Variants in PARD3 observed in about 807,000 individuals in gnomAD.
The protein encoded by PARD3 is partitioning defective 3 homolog.
In PARD3, 75 loss-of-function variants were observed where a neutral mutation model predicts 155.4. The observed-to-expected ratio is 0.48, with a 90% CI of 0.40 to 0.58. The LOEUF (loss-of-function observed/expected upper bound fraction) is 0.58, where lower values mean the gene tolerates loss of function less well. PARD3 is among the 20% of genes least tolerant of loss of function. The pLI is 0.00. For missense variants in PARD3, 1,642 were observed against 1,721.7 expected (o/e 0.95, Z 0.82); for synonymous variants, 576 against 610.5 (o/e 0.94, Z 0.83).
In PARD3 at chr10:34,341,786, A is replaced by T. The variant is rs1164037868; in HGVS notation, c.2249T>A (p.Met750Lys). 1 of 1,613,194 alleles carries T rather than the reference A, an allele frequency of 6.2e-7. No individual in the cohort carries two copies. Among genetic ancestry groups the T allele is most frequent in the South Asian group, 1.1e-5 (1 of 91,030 alleles). Reference protein sequence around the residue: ...GKYQLSPTVNMPQDDTVIIED... With the variant: ...GKYQLSPTVNKPQDDTVIIED... ...TATAATGACAGTGTCATCTTGGGGCATATTCACTGTAGGGGACAGCTGGTA... is the reference window on the plus strand; with the variant it reads ...TATAATGACAGTGTCATCTTGGGGCTTATTCACTGTAGGGGACAGCTGGTA... Residue 750 changes from methionine to lysine, a missense_variant, in exon 16 of 25, where the codon ATG (methionine) becomes AAG (lysine). Physicochemically the swap from Met to Lys is moderately conservative, Grantham distance 95. Transcript: ENST00000374788.
intron 2 of PARD3, among the ~76,000 whole-genome samples, chr10:34,583,570 T>C (rs2087703722): frequency 6.6e-6 from 1 of 152,170 alleles, no homozygotes; most frequent in South Asian, 2.1e-4. Context: ...GTTCCATCAA[T>C]CAGTCCAGCC....
chr10:34,215,406 T>C (rs980454396), intron 22 of PARD3, among the ~76,000 whole-genome samples: 1 of 152,200 alleles, frequency 6.6e-6, no homozygotes, highest in African/African-American at 2.4e-5. Context: ...ATACATAAAA[T>C]GTCATGATAG....
chr10:34,135,152 T>G (rs1208588212), intron 22 of PARD3, among the ~76,000 whole-genome samples: 3 of 119,680 alleles, frequency 2.5e-5, no homozygotes, highest in African/African-American at 6.3e-5. Flanking sequence ...AATTTACAGA[T>G]AGTCCACATG....
At chr10:34,579,570 G>GTGTGTGTGTGTGTGTATA (rs773127638) in intron 2 of PARD3, among the ~76,000 whole-genome samples, 3 of 138,230 alleles carry the variant, frequency 2.2e-5, no homozygotes, top group African/African-American at 3.1e-5. Flanking sequence ...GTGTGTGTGT[G>GTGTGTGTGTGTGTGTATA]TGTGTGTGTG....
At chr10:34,266,411 A>G (rs559366423) in intron 22 of PARD3, among the ~76,000 whole-genome samples, 2 of 152,340 alleles carry the variant, frequency 1.3e-5, no homozygotes, top group South Asian at 2.1e-4. Context: ...GATTAGTAAC[A>G]TCAATCTTTG....
intron 1 of PARD3, among the ~76,000 whole-genome samples, chr10:34,755,766 A>G (rs1564584784): frequency 3.7e-5 from 3 of 80,030 alleles, no homozygotes; most frequent in South Asian, 3.5e-4. Flanking sequence ...CATATATAAC[A>G]TGCTTTTTTT....
chr10:34,551,021 C>G (rs2084510585), intron 2 of PARD3, among the ~76,000 whole-genome samples: 2 of 152,146 alleles, frequency 1.3e-5, no homozygotes, highest in Admixed American at 1.3e-4. Context: ...ACCCAGCTCT[C>G]CTGAGTCCAG....
intron 1 of PARD3, among the ~76,000 whole-genome samples, chr10:34,787,866 A>C (rs7092771): frequency 6.6e-6 from 1 of 150,976 alleles, no homozygotes; most frequent in Non-Finnish European, 1.5e-5. Context: ...CTGCAGCCTC[A>C]AACTCCTAGG....
In PARD3 at chr10:34,131,670, T is replaced by G. The variant is rs184887107; in HGVS notation, c.3420-87A>C. ...GCTAGCAAAACATGGCAACTTGCTG[T>G]GAAATGACGCCATTTAAGAGAAAGT... On this transcript the variant is annotated intron_variant, in intron 22 of 24. Transcript: ENST00000374788. 4 of 1,133,912 alleles carry G rather than the reference T, an allele frequency of 3.5e-6. No individual in the cohort carries two copies. In the African/African-American group the frequency reaches 6.2e-5, roughly 17 times the overall value. The allele number at this position is 1,133,912 out of a possible 1,614,324, so 70.2% of individuals were successfully genotyped here.
intron 22 of PARD3, among the ~76,000 whole-genome samples, chr10:34,238,051 A>C (rs1360586397): frequency 6.6e-6 from 1 of 152,190 alleles, no homozygotes; most frequent in East Asian, 1.9e-4. Flanking sequence ...AATAATGAAA[A>C]CCACTCCAAC....
At chr10:34,229,934 C>G (rs955564453) in intron 22 of PARD3, among the ~76,000 whole-genome samples, 1 of 152,098 alleles carries the variant, frequency 6.6e-6, no homozygotes, top group African/African-American at 2.4e-5. Flanking sequence ...AACTATTCAT[C>G]TAGCTTTTGT....
At chr10:34,710,371 A>C (rs939638669) in intron 1 of PARD3, among the ~76,000 whole-genome samples, 1 of 152,180 alleles carries the variant, frequency 6.6e-6, no homozygotes, top group African/African-American at 2.4e-5. Context: ...ATAAATATAT[A>C]CGTGCAGTTT....
At chr10:34,797,688 A>G (rs1842426098) in intron 1 of PARD3, among the ~76,000 whole-genome samples, 1 of 152,200 alleles carries the variant, frequency 6.6e-6, no homozygotes, top group African/African-American at 2.4e-5. Flanking sequence ...AAACACCCAG[A>G]GGACATAACC....
At chr10:34,502,811 A>G (rs1300618541) in intron 3 of PARD3, among the ~76,000 whole-genome samples, 1 of 152,178 alleles carries the variant, frequency 6.6e-6, no homozygotes, top group African/African-American at 2.4e-5. Context: ...CCACTTTTGA[A>G]GAAAAGAGAA....
chr10:34,201,571 C>G (rs1951213195), intron 22 of PARD3, among the ~76,000 whole-genome samples: 1 of 152,128 alleles, frequency 6.6e-6, no homozygotes, highest in African/African-American at 2.4e-5. Context: ...CTGAAAGTGA[C>G]TCTTTCAAAA....
chr10:34,376,668 T>G (rs1004345115), intron 10 of PARD3, among the ~76,000 whole-genome samples: 1 of 152,154 alleles, frequency 6.6e-6, no homozygotes, highest in Non-Finnish European at 1.5e-5. Context: ...GGAATAAAAT[T>G]TAAGGGATCT....
At chr10:34,518,359 T>C (rs924108341) in intron 2 of PARD3, among the ~76,000 whole-genome samples, 13 of 152,334 alleles carry the variant, frequency 8.5e-5, no homozygotes, top group Middle Eastern at 3.4e-3. Flanking sequence ...TCGTGGTTTC[T>C]AATACCATTC....
chr10:34,364,328 G>A lies in PARD3; in HGVS notation c.1708-4069C>T, dbSNP rs183381464. Among the ~76,000 whole-genome samples, 41 of 152,154 alleles carry A rather than the reference G, an allele frequency of 2.7e-4. 1 individual carries two copies. The highest frequency in any genetic ancestry group is 7.0e-4 in the African/African-American group (29 of 41,518). ...AATTATAGGAGTGAGCTCAATAGCC[G>A]ATTTTTGGCTTTGTAACAAAATACG... On this transcript the variant is annotated intron_variant, in intron 12 of 24. Transcript: ENST00000374788.
Position 34,269,786 on chromosome 10 carries a change from C to T in PARD3, c.3290G>A (p.Gly1097Glu), listed in dbSNP as rs373078653. 76 of 1,613,842 alleles carry T rather than the reference C, an allele frequency of 4.7e-5. No homozygotes were observed. Among genetic ancestry groups the T allele is most frequent in the Non-Finnish European group, 5.9e-5 (70 of 1,179,964 alleles). ...CATGGAACCTTCATAAGAAGAAACT[C>T]CCCCATACATTAACTCATCATCACA... ...FGCDDELMYGGVSSYEGSMAL... is the reference protein window; with the variant it reads ...FGCDDELMYGEVSSYEGSMAL... The change falls in exon 22 of 25, where the codon GGA becomes GAA. Residue 1097 changes from glycine (G) to glutamate (E), a missense_variant. Physicochemically the swap from Gly to Glu is moderately conservative, Grantham distance 98. Coordinates refer to ENST00000374788, the MANE Select transcript of PARD3 (RefSeq NM_001184785.2).
Sources: gnomAD v4.1 joint callset for allele counts (sites outside exome capture counted in the v4.1 genomes callset) on GRCh38, gnomAD v4.1.1 for gene constraint, MANE v1.5 for transcripts, NCBI Gene and HGNC (gene_info 2026-07-23, HGNC 2026-07-21) for gene names.